The following CDH13 variants were observed in gnomAD, a reference collection of about 807,000 sequenced individuals.
CDH13 encodes cadherin-13.
A neutral mutation model predicts 63.8 loss-of-function variants in CDH13; 24 were observed. The ratio of observed to expected loss-of-function variants is 0.38; its 90% confidence interval spans 0.27 to 0.53. The LOEUF (loss-of-function observed/expected upper bound fraction) is 0.53. Ranked by LOEUF, CDH13 falls within the 20% of genes least tolerant of loss-of-function variation. The pLI is 0.85. For synonymous variants in CDH13, 503 were observed against 355.3 expected, an observed-to-expected ratio of 1.42 and a Z score of -4.67; for missense variants, 1,049 against 903.1, an observed-to-expected ratio of 1.16 and a Z score of -2.07.
At chr16:83,589,773 A>G (rs555244735) in intron 7 of CDH13, among the ~76,000 whole-genome samples, 2 of 152,248 alleles carry the variant, frequency 1.3e-5, no homozygotes, top group African/African-American at 4.8e-5. Context: ...CAAGAGAGAA[A>G]CACTCACCGT....
chr16:83,501,002 G>A (rs1377540996), intron 7 of CDH13, among the ~76,000 whole-genome samples: 1 of 152,144 alleles, frequency 6.6e-6, no homozygotes, highest in Non-Finnish European at 1.5e-5. Context: ...TGTTTTCAAA[G>A]GTGTATTAAG....
intron 7 of CDH13, among the ~76,000 whole-genome samples, chr16:83,561,702 A>G (rs1033755344): frequency 6.6e-6 from 1 of 152,176 alleles, no homozygotes; most frequent in Non-Finnish European, 1.5e-5. Flanking sequence ...GAAGGTGATG[A>G]TGAATTTTGA....
chr16:83,755,917 T>C (rs1394131994), intron 11 of CDH13, among the ~76,000 whole-genome samples: 1 of 152,082 alleles, frequency 6.6e-6, no homozygotes, highest in Non-Finnish European at 1.5e-5. Flanking sequence ...TGAAGTAAAA[T>C]TGTAAGGACA....
At chr16:83,593,797 C>G (rs1235690290) in intron 7 of CDH13, among the ~76,000 whole-genome samples, 1 of 152,140 alleles carries the variant, frequency 6.6e-6, no homozygotes. Flanking sequence ...GAAAAGGCCC[C>G]TGATCTCAAG....
intron 4 of CDH13, among the ~76,000 whole-genome samples, chr16:83,190,630 A>T (rs1466012781): frequency 2.6e-5 from 4 of 152,204 alleles, no homozygotes; most frequent in Admixed American, 6.5e-5. Context: ...AGACTGATCA[A>T]TTTACATGCC....
chr16:83,337,151 G>C (rs1018219125), intron 5 of CDH13, among the ~76,000 whole-genome samples: 1 of 152,162 alleles, frequency 6.6e-6, no homozygotes, highest in Non-Finnish European at 1.5e-5. Context: ...CTATTAGTGT[G>C]GTGAATTAAT....
At chr16:83,547,805 C>G (rs1023970937) in intron 7 of CDH13, among the ~76,000 whole-genome samples, 1 of 152,088 alleles carries the variant, frequency 6.6e-6, no homozygotes, top group African/African-American at 2.4e-5. Flanking sequence ...ACTGTTGAGC[C>G]TTGACCTCCA....
intron 7 of CDH13, among the ~76,000 whole-genome samples, chr16:83,584,829 C>G (rs1476889408): frequency 6.6e-6 from 1 of 152,136 alleles, no homozygotes; most frequent in Admixed American, 6.6e-5. Context: ...TCTGATGAGG[C>G]CTCAGAAAGC....
intron 3 of CDH13, among the ~76,000 whole-genome samples, chr16:83,087,448 T>C (rs1456177093): frequency 6.6e-6 from 1 of 151,980 alleles, no homozygotes; most frequent in African/African-American, 2.4e-5. Context: ...GGCGGGCAGA[T>C]CACGAGGTCA....
chr16:83,037,963 A>T (rs116231040), intron 3 of CDH13, among the ~76,000 whole-genome samples: 4 of 152,280 alleles, frequency 2.6e-5, no homozygotes, highest in African/African-American at 9.6e-5. Flanking sequence ...AAGGATAAGG[A>T]ACTGAGGGCT....
chr16:82,954,563 A>G (rs1483930145), intron 2 of CDH13: 1 of 152,110 alleles, frequency 6.6e-6, no homozygotes, highest in East Asian at 1.9e-4. Context: ...GAAGGCTACC[A>G]ATGTCCAATA....
intron 4 of CDH13, among the ~76,000 whole-genome samples, chr16:83,134,356 A>C (rs1436752790): frequency 1.3e-5 from 2 of 151,918 alleles, no homozygotes; most frequent in Non-Finnish European, 2.9e-5. Flanking sequence ...TGCCCAGTTA[A>C]TTTTTGTATT....
intron 4 of CDH13, among the ~76,000 whole-genome samples, chr16:83,143,821 T>C (rs77916057): frequency 1.3e-3 from 193 of 152,166 alleles, no homozygotes; most frequent in African/African-American, 4.2e-3. Context: ...TCTTTGCCGT[T>C]CCTCTGCCTG....
chr16:83,423,217 C>T (rs1049955193), intron 6 of CDH13, among the ~76,000 whole-genome samples: 2 of 152,106 alleles, frequency 1.3e-5, no homozygotes, highest in East Asian at 1.9e-4. Flanking sequence ...TGTGTAAGTC[C>T]TCAGTAGCCT....
rs1165856293 is a variant in CDH13 at position 83,797,181 on chromosome 16, G to A, written c.*2151G>A. On this transcript the variant is annotated 3_prime_UTR_variant, in exon 14 of 14. Coordinates refer to ENST00000567109, the MANE Select transcript of CDH13 (RefSeq NM_001257.5). Reference sequence around the variant, plus strand: ...AACAAAGAGCATCCTCAGCCAGTCAGGCGGCTGGTAGCCGGACACATATGC... The same window carrying A: ...AACAAAGAGCATCCTCAGCCAGTCAAGCGGCTGGTAGCCGGACACATATGC... The A allele has an allele frequency of 6.6e-6, 1 of 152,240 alleles. No individual in the cohort carries two copies. The highest frequency in any genetic ancestry group is 1.5e-5 in the Non-Finnish European group (1 of 68,046). The allele number at this position is 152,240 out of a possible 1,614,324, so 9.4% of individuals were successfully genotyped here.
intron 3 of CDH13, among the ~76,000 whole-genome samples, chr16:83,068,196 T>C (rs1398147465): frequency 6.6e-6 from 1 of 152,216 alleles, no homozygotes; most frequent in South Asian, 2.1e-4. Context: ...AGAATCATAT[T>C]TCTATACATT....
chr16:83,713,072 T>C (rs1235434688), intron 10 of CDH13, among the ~76,000 whole-genome samples: 1 of 152,246 alleles, frequency 6.6e-6, no homozygotes, highest in Non-Finnish European at 1.5e-5. Flanking sequence ...CTTTTACTAA[T>C]GTATGGATTA....
chr16:82,911,544 C>A (rs2041829656), intron 2 of CDH13, among the ~76,000 whole-genome samples: 1 of 152,144 alleles, frequency 6.6e-6, no homozygotes. Flanking sequence ...CTCTGTGTCT[C>A]CATCTGTAAA....
chr16:83,414,565 C>A (rs2092172799), intron 6 of CDH13, among the ~76,000 whole-genome samples: 1 of 151,988 alleles, frequency 6.6e-6, no homozygotes, highest in South Asian at 2.1e-4. Flanking sequence ...TGATTAGTAT[C>A]TCTCAAGTTT....
Sources: gnomAD v4.1 joint callset for allele counts (sites outside exome capture counted in the v4.1 genomes callset) on GRCh38, gnomAD v4.1.1 for gene constraint, MANE v1.5 for transcripts, NCBI Gene and HGNC (gene_info 2026-07-23, HGNC 2026-07-21) for gene names.